Variants in CARNS1 observed in about 807,000 individuals in gnomAD.
The protein encoded by CARNS1 is carnosine synthase 1.
Under a neutral mutation model 74.0 loss-of-function variants are expected in CARNS1, and 61 were observed. That is an observed-to-expected ratio of 0.82 (90% CI 0.67 to 1.02). CARNS1 has a LOEUF of 1.02. Ranked by LOEUF, CARNS1 falls within the 50% of genes least tolerant of loss-of-function variation. CARNS1 has a pLI of 0.00. For missense variants in CARNS1, 1,278 were observed against 1,308.4 expected (o/e 0.98, Z 0.36); for synonymous variants, 568 against 605.5 (o/e 0.94, Z 0.91).
chr11:67,424,860 G>T lies in CARNS1; in HGVS notation c.*259G>T, dbSNP rs1490009355. ...TTCTAGCCTTGGAGAAATGACAATG[G>T]CCACACACACACACACACACACACA... On this transcript the variant is annotated 3_prime_UTR_variant, in exon 10 of 10. Transcript: ENST00000687366. 2 of 496,280 alleles carry T rather than the reference G, an allele frequency of 4.0e-6. No individual in the cohort carries two copies. The highest frequency in any genetic ancestry group is 8.1e-5 in the East Asian group (2 of 24,550). The allele number at this position is 496,280 out of a possible 1,614,324, so 30.7% of individuals were successfully genotyped here.
At chr11:67,416,256 G>A (rs1863542953) in intron 2 of CARNS1, 54 bp downstream of exon 2, 2 of 1,536,806 alleles carry the variant, frequency 1.3e-6, no homozygotes, top group Admixed American at 2.0e-5. Flanking sequence ...GGCAGAGAGT[G>A]GGCCCAGAGG....
chr11:67,416,069 A>G, intron 1 of CARNS1, 107 bp from the exon 2 acceptor site: 2 of 726,164 alleles, frequency 2.8e-6, no homozygotes, highest in Admixed American at 4.0e-5. Flanking sequence ...CTGCAGGGAC[A>G]GGTGTCGGCC....
chr11:67,417,698 G>C, intron 3 of CARNS1, 21 bp downstream of exon 3: 9 of 1,246,910 alleles, frequency 7.2e-6, no homozygotes, highest in Non-Finnish European at 9.1e-6. Context: ...GCTCCCTGGA[G>C]GGAGGCACCT....
rs759405649 is a variant in CARNS1 at position 67,424,410 on chromosome 11, C to T, written c.2662C>T (p.Arg888Cys). The T allele has an allele frequency of 7.4e-5, 117 of 1,589,696 alleles. No homozygotes were observed. The highest frequency in any genetic ancestry group is 1.6e-4 in the East Asian group (7 of 43,568). ...SRETLQALHD[R>C]GLLRLNLLEE... ...TGAGACCCTGCAGGCCCTGCACGAC[C>T]GTGGACTGCTACGCCTCAATCTGCT... Residue 888 changes from arginine to cysteine, a missense_variant, in exon 10 of 10, where the codon CGT becomes TGT. Arg to Cys is a radical substitution (Grantham distance 180, BLOSUM62 -3). Transcript: ENST00000687366.
chr11:67,415,880 G>A (rs1863533270), intron 1 of CARNS1, 117 bp downstream of exon 1: 2 of 236,582 alleles, frequency 8.5e-6, no homozygotes, highest in Non-Finnish European at 8.2e-6. Context: ...TCGACGCTAC[G>A]CCCCCCACCC....
chr11:67,423,583 G>A lies in CARNS1; in HGVS notation c.1835G>A (p.Gly612Asp). Reference sequence around the variant, plus strand: ...ACAGCCCTGCTCTGCCAGGAGCTAGGTCTGCCCTGCAGCTCCCCAGCTGCC... The same window carrying A: ...ACAGCCCTGCTCTGCCAGGAGCTAGATCTGCCCTGCAGCTCCCCAGCTGCC... Reference protein sequence around the residue: ...VLTALLCQELGLPCSSPAAMR... With the variant: ...VLTALLCQELDLPCSSPAAMR... The change falls in exon 10 of 10, where the codon GGT becomes GAT. Residue 612 changes from glycine to aspartate, a missense_variant. Physicochemically the swap from Gly to Asp is moderately conservative, Grantham distance 94 (BLOSUM62 -1). Around this residue, in one of 3 missense-constraint regions of CARNS1, gnomAD observed 1,164 missense variants for 1,156.5 expected, o/e 1.01. Coordinates refer to ENST00000687366, the MANE Select transcript of CARNS1 (RefSeq NM_001166222.2). The surrounding 1 kb of genome is among the most constrained non-coding windows in gnomAD (Gnocchi z 5.1). 3 of 1,610,512 alleles carry A rather than the reference G, an allele frequency of 1.9e-6. No homozygotes were observed. Among genetic ancestry groups the A allele is most frequent in the Non-Finnish European group, 2.5e-6 (3 of 1,178,556 alleles).
At chr11:67,417,137 T>C in intron 2 of CARNS1, 3 of 1,196,084 alleles carry the variant, frequency 2.5e-6, no homozygotes, top group Non-Finnish European at 3.1e-6. Context: ...GAGCCCAGCA[T>C]GGCAGGGGCG....
rs373286905 is a variant in CARNS1 at position 67,419,182 on chromosome 11, C to T, written c.791C>T (p.Thr264Met). 220 of 1,529,770 alleles carry T rather than the reference C, an allele frequency of 1.4e-4. 1 individual carries two copies. In the South Asian group the frequency reaches 2.2e-3, roughly 15 times the overall value. 94.8% of individuals were successfully genotyped at this position (1,529,770 alleles called of 1,614,324 possible). A position where few individuals can be genotyped will look rare whatever the true frequency, so the allele number is the denominator to read the frequency against. The stretch of plus-strand genomic sequence containing the variant: ...CTGAGTGGCAAAGAGGGCCAGGAGA[C>T]GCTGGTGAAAGAGGAAGTGGAGGCT... ...VELSGKEGQE[T>M]LVKEEVEAFL... Residue 264 changes from threonine to methionine, a missense_variant, in exon 5 of 10, where the codon ACG becomes ATG. Physicochemically the swap from Thr to Met is moderately conservative, Grantham distance 81. This residue lies in a region of CARNS1 where 1,164 missense variants were observed against 1,156.5 expected (regional missense o/e 1.01). Transcript: ENST00000687366.
Position 67,418,772 on chromosome 11 carries a change from C to T in CARNS1, c.381C>T (p.Cys127=). The T allele has an allele frequency of 6.3e-7, 1 of 1,596,390 alleles. No individual in the cohort carries two copies. Among genetic ancestry groups the T allele is most frequent in the East Asian group, 2.3e-5 (1 of 44,092 alleles). ...GVQSPGNMLL[C]LSPAWLMKVP... The stretch of plus-strand genomic sequence containing the variant: ...TGCCCACAGGAAACATGCTCCTTTG[C>T]CTGTCCCCTGCTTGGCTGATGAAGG... Residue 127 remains cysteine, a synonymous_variant, in exon 5 of 10, where the codon TGC becomes TGT. Transcript: ENST00000687366.
At chr11:67,420,014 C>A (rs1241305894) in intron 7 of CARNS1, among the ~76,000 whole-genome samples, 176 bp downstream of exon 7, 1 of 152,210 alleles carries the variant, frequency 6.6e-6, no homozygotes. Context: ...TCTCCTGCAA[C>A]CCTTCCAGAA....
At chr11:67,419,440 G>A in intron 5 of CARNS1, 47 bp from the exon 6 acceptor site, 1 of 1,594,332 alleles carries the variant, frequency 6.3e-7, no homozygotes, top group South Asian at 1.1e-5. Flanking sequence ...CCACCCTGCA[G>A]TACCTGGGGT....
rs558877827 is a variant in CARNS1 at position 67,419,741 on chromosome 11, G to T, written c.1028-12G>T. ...CTCTGTGCTGGCCTTAGACCTCCCC[G>T]TCTTCCCCCAGATGGTCCTTCACCC... is the stretch of plus-strand genomic sequence containing the variant. On this transcript the variant is annotated splice_polypyrimidine_tract_variant and intron_variant, in intron 6 of 9. Transcript: ENST00000687366. 5 of 1,600,652 alleles carry T rather than the reference G, an allele frequency of 3.1e-6. No individual in the cohort carries two copies. The highest frequency in any genetic ancestry group is 1.7e-5 in the Admixed American group (1 of 58,534).
chr11:67,417,740 T>C, intron 3 of CARNS1, 63 bp downstream of exon 3: 1 of 1,145,848 alleles, frequency 8.7e-7, no homozygotes, highest in Non-Finnish European at 1.1e-6. Flanking sequence ...CAGCCCAGTC[T>C]GCTTGCTCAT....
chr11:67,417,993 C>T (rs1863590888), intron 3 of CARNS1, among the ~76,000 whole-genome samples: 1 of 152,208 alleles, frequency 6.6e-6, no homozygotes, highest in Admixed American at 6.5e-5. Flanking sequence ...GGAGGCAGCT[C>T]AGCAGCTGAG....
intron 7 of CARNS1, 69 bp from the exon 8 acceptor site, chr11:67,420,540 C>T: frequency 9.6e-7 from 1 of 1,040,460 alleles, no homozygotes; most frequent in Non-Finnish European, 1.2e-6. Flanking sequence ...AATTTTGGCA[C>T]AAGGCGGTGG....
In CARNS1 at chr11:67,420,931, C is replaced by A; in HGVS notation, c.1346-8C>A. The A allele has an allele frequency of 7.2e-7, 1 of 1,380,254 alleles. No individual in the cohort carries two copies. Among genetic ancestry groups the A allele is most frequent in the South Asian group, 1.5e-5 (1 of 64,944 alleles). The allele number at this position is 1,380,254 out of a possible 1,614,324, so 85.5% of individuals were successfully genotyped here. A position where few individuals can be genotyped will look rare whatever the true frequency, so the allele number is the denominator to read the frequency against. On this transcript the variant is annotated splice_region_variant and splice_polypyrimidine_tract_variant and intron_variant, in intron 8 of 9. Transcript: ENST00000687366. Reference sequence around the variant, plus strand: ...CGTAGCTGAGCTCGCGCCTCCCGCCCGGCGCAGGCGTGGATTTCGCGCTGA... The same window carrying A: ...CGTAGCTGAGCTCGCGCCTCCCGCCAGGCGCAGGCGTGGATTTCGCGCTGA...
Position 67,425,142 on chromosome 11 carries a change from G to A in CARNS1, c.*541G>A, listed in dbSNP as rs901457037. 2 of 452,322 alleles carry A rather than the reference G, an allele frequency of 4.4e-6. No individual in the cohort carries two copies. Among genetic ancestry groups the A allele is most frequent in the South Asian group, 1.6e-5 (1 of 64,206 alleles). The allele number at this position is 452,322 out of a possible 1,614,324, so 28.0% of individuals were successfully genotyped here. A position where few individuals can be genotyped will look rare whatever the true frequency, so the allele number is the denominator to read the frequency against. ...GCCTCATTCGGCCTGACCGGTAGAG[G>A]CAGGTGGCCTGTGGACAGAAGTAAT... On this transcript the variant is annotated 3_prime_UTR_variant, in exon 10 of 10. Coordinates refer to ENST00000687366, the MANE Select transcript of CARNS1 (RefSeq NM_001166222.2).
At position 67,420,827 on chromosome 11, in the gene CARNS1, C is replaced by T; in HGVS notation, c.1332C>T (p.His444=). 1 of 1,224,730 alleles carries T rather than the reference C, an allele frequency of 8.2e-7. No homozygotes were observed. Among genetic ancestry groups the T allele is most frequent in the Non-Finnish European group, 1.0e-6 (1 of 984,356 alleles). The allele number at this position is 1,224,730 out of a possible 1,614,324, so 75.9% of individuals were successfully genotyped here. The change falls in exon 8 of 10, where the codon CAC becomes CAT. Residue 444 remains histidine, a synonymous_variant. Coordinates refer to ENST00000687366, the MANE Select transcript of CARNS1 (RefSeq NM_001166222.2). ...AGCAGCGCGGCGGGCGCCGGGCGCA[C>T]ACGGACTTCCTGGGTGAGTGAGGGC... ...SAEQRGGRRA[H]TDFLGVDFAL...
chr11:67,416,836 A>C (rs1312871181), intron 2 of CARNS1: 1 of 986,424 alleles, frequency 1.0e-6, no homozygotes, highest in Non-Finnish European at 1.2e-6. Flanking sequence ...TGCAGGGGGG[A>C]TACTGTCTAG....
Sources: gnomAD v4.1 joint callset for allele counts (sites outside exome capture counted in the v4.1 genomes callset) on GRCh38, gnomAD v4.1.1 for gene constraint, gnomAD v4.1.1 regional missense constraint, Gnocchi (gnomAD v3.1) non-coding constraint, MANE v1.5 for transcripts, NCBI Gene and HGNC (gene_info 2026-07-23, HGNC 2026-07-21) for gene names.